Variants in TENM2 observed in about 807,000 individuals in gnomAD.
TENM2 encodes teneurin-2.
TENM2 carries 52 observed loss-of-function variants against 245.2 expected under a neutral mutation model. That is an observed-to-expected ratio of 0.21 (90% CI 0.17 to 0.27). The LOEUF (loss-of-function observed/expected upper bound fraction) is 0.27, where lower values mean the gene tolerates loss of function less well. Ranked by LOEUF, TENM2 falls within the 10% of genes least tolerant of loss-of-function variation. TENM2 has a pLI of 1.00. For missense variants in TENM2, 3,046 were observed against 3,666.8 expected (o/e 0.83, Z 4.37); for synonymous variants, 1,363 against 1,438.9 (o/e 0.95, Z 1.19).
At chr5:166,987,448 T>C in the TENM2 span, among the ~76,000 whole-genome samples, 1 of 151,866 alleles carries the variant, frequency 6.6e-6, no homozygotes, top group Non-Finnish European at 1.5e-5. Flanking sequence ...TGTGTGTGTG[T>C]GTGTTTAGAA....
chr5:168,202,374 C>T (rs1762009935), intron 17 of TENM2, among the ~76,000 whole-genome samples: 1 of 151,906 alleles, frequency 6.6e-6, no homozygotes, highest in Non-Finnish European at 1.5e-5. Context: ...GAAATGCATC[C>T]AGTATGTTTC....
intron 12 of TENM2, among the ~76,000 whole-genome samples, chr5:168,128,552 G>C (rs1177839672): frequency 3.3e-5 from 5 of 152,152 alleles, no homozygotes; most frequent in African/African-American, 1.2e-4. Flanking sequence ...CACATCTGGG[G>C]GACAGAGGGG....
intron 2 of TENM2, among the ~76,000 whole-genome samples, chr5:167,628,210 C>T (rs1464217855): frequency 6.6e-6 from 1 of 152,154 alleles, no homozygotes; most frequent in Non-Finnish European, 1.5e-5. Context: ...CTTCTGTCGT[C>T]GTTGCTTTTT....
the TENM2 span, among the ~76,000 whole-genome samples, chr5:167,197,910 T>TAG: frequency 6.6e-6 from 1 of 150,700 alleles, no homozygotes; most frequent in Non-Finnish European, 1.5e-5. Flanking sequence ...TATACACATA[T>TAG]AGAGAGAGAG....
At chr5:168,098,407 G>T (rs1793542118) in intron 9 of TENM2, among the ~76,000 whole-genome samples, 1 of 152,194 alleles carries the variant, frequency 6.6e-6, no homozygotes, top group Non-Finnish European at 1.5e-5. Flanking sequence ...TCCTGTAAAA[G>T]CAGAAGTGAA....
At chr5:167,610,527 A>T (rs1582537269) in intron 2 of TENM2, among the ~76,000 whole-genome samples, 1 of 152,156 alleles carries the variant, frequency 6.6e-6, no homozygotes, top group African/African-American at 2.4e-5. Context: ...CACTCCAGAG[A>T]TTCTAAAGGT....
chr5:167,635,691 A>C (rs113060441), intron 2 of TENM2, among the ~76,000 whole-genome samples: 11 of 125,580 alleles, frequency 8.8e-5, no homozygotes, highest in Admixed American at 2.0e-4. Context: ...GTCGCCCAGG[A>C]TGGAGTGCAA....
At chr5:167,285,097 A>G (rs767258093) in intron 1 of TENM2, 34 bp downstream of exon 3, 12 of 1,478,416 alleles carry the variant, frequency 8.1e-6, no homozygotes, top group South Asian at 3.6e-5. Context: ...TTTGCTCTCA[A>G]CTGTCTAACT....
chr5:167,123,108 G>T, the TENM2 span, among the ~76,000 whole-genome samples: 1 of 148,544 alleles, frequency 6.7e-6, no homozygotes, highest in Non-Finnish European at 1.5e-5. Context: ...GGCCAGCCTG[G>T]ACAACATGGC....
chr5:167,267,464 A>G, the TENM2 span, among the ~76,000 whole-genome samples: 2 of 152,128 alleles, frequency 1.3e-5, no homozygotes, highest in African/African-American at 2.4e-5. Flanking sequence ...CAAACATTTC[A>G]TAGCATGAGG....
chr5:166,984,588 A>G, the TENM2 span, among the ~76,000 whole-genome samples: 1 of 152,136 alleles, frequency 6.6e-6, no homozygotes, highest in Non-Finnish European at 1.5e-5. Flanking sequence ...CTATATTTGT[A>G]ACATGTTTTT....
chr5:168,119,824 C>A (rs749289464), intron 10 of TENM2, among the ~76,000 whole-genome samples: 4 of 152,204 alleles, frequency 2.6e-5, no homozygotes, highest in African/African-American at 4.8e-5. Context: ...CCTGCCTATT[C>A]TGCATGAACT....
intron 2 of TENM2, among the ~76,000 whole-genome samples, chr5:167,505,504 AACTGTAGTTATT>A (rs1769483390): frequency 6.6e-6 from 1 of 152,158 alleles, no homozygotes; most frequent in Admixed American, 6.6e-5. Context: ...TTGTCCACTG[AACTGTAGTTATT>A]ATATGAAAGC....
At chr5:167,466,726 G>A (rs916566087) in intron 2 of TENM2, among the ~76,000 whole-genome samples, 4 of 151,934 alleles carry the variant, frequency 2.6e-5, no homozygotes, top group Non-Finnish European at 5.9e-5. Flanking sequence ...CTTTAACTTT[G>A]TTTTGTAGGA....
chr5:168,216,888 C>T (rs1221433289), exon 22 of TENM2: 6 of 1,613,988 alleles, frequency 3.7e-6, no homozygotes, highest in African/African-American at 1.3e-5. Flanking sequence ...GCCGTCCGGC[C>T]GCTGAGCTGT....
chr5:168,036,550 C>T (rs1256865919), intron 5 of TENM2, among the ~76,000 whole-genome samples: 2 of 150,872 alleles, frequency 1.3e-5, no homozygotes, highest in South Asian at 2.1e-4. Flanking sequence ...GCTAGATAAT[C>T]GCTTGAACAT....
the TENM2 span, among the ~76,000 whole-genome samples, chr5:167,191,975 A>G: frequency 6.6e-6 from 1 of 152,102 alleles, no homozygotes; most frequent in Non-Finnish European, 1.5e-5. Flanking sequence ...CAACTTCCGT[A>G]CATGACTTCA....
intron 2 of TENM2, among the ~76,000 whole-genome samples, chr5:167,457,412 A>T (rs531555234): frequency 1.3e-5 from 2 of 151,754 alleles, no homozygotes; most frequent in African/African-American, 4.8e-5. Context: ...AGCTCACCGC[A>T]ACCTCCACCT....
In TENM2 at chr5:167,298,462, G is replaced by C. The variant is rs566322038; in HGVS notation, c.226+13399G>C. ...ACTAAAAATACAAAAAATTAGCCGG[G>C]CGAGGTGGCGGGCGCCTGAAGTCCC... On this transcript the variant is annotated intron_variant, in intron 1 of 28. Transcript: ENST00000518659. Among the ~76,000 whole-genome samples the C allele has an allele frequency of 7.0e-4, 107 of 152,272 alleles. 1 individual carries two copies. The South Asian group carries it at 0.021, about 30-fold the overall frequency.
Sources: gnomAD v4.1 joint callset for allele counts (sites outside exome capture counted in the v4.1 genomes callset) on GRCh38, gnomAD v4.1.1 for gene constraint, MANE v1.5 for transcripts, NCBI Gene and HGNC (gene_info 2026-07-23, HGNC 2026-07-21) for gene names.